Variants in C3orf70 observed in about 807,000 individuals in gnomAD.
C3orf70 encodes the protein chromosome 3 open reading frame 70.
In C3orf70, 15 loss-of-function variants were observed where a neutral mutation model predicts 20.7. The ratio of observed to expected loss-of-function variants is 0.72; its 90% CI spans 0.48 to 1.11. The LOEUF (loss-of-function observed/expected upper bound fraction) is 1.11, where lower values mean the gene tolerates loss of function less well. C3orf70 is among the 50% of genes most tolerant of loss of function. The pLI is 0.00. For synonymous variants in C3orf70, 161 were observed against 125.7 expected, an observed-to-expected ratio of 1.28 and a Z score of -1.88; for missense variants, 332 against 317.6, an observed-to-expected ratio of 1.05 and a Z score of -0.34.
rs1715219469 is a variant in C3orf70 at position 185,077,465 on chromosome 3, A to G, written c.*5542T>C. Among the ~76,000 whole-genome samples, 1 of 152,212 alleles carries G rather than the reference A, an allele frequency of 6.6e-6. No homozygotes were observed. The highest frequency in any genetic ancestry group is 2.4e-5 in the African/African-American group (1 of 41,460). On this transcript the variant is annotated 3_prime_UTR_variant, in exon 2 of 2. Transcript: ENST00000335012. Reference sequence around the variant, plus strand: ...CAGGGTTGCTGTGGAGATTATGCATAGAAAGCTTAAGGTAGCCATTGAACT... The same window carrying G: ...CAGGGTTGCTGTGGAGATTATGCATGGAAAGCTTAAGGTAGCCATTGAACT...
intron 1 of C3orf70, among the ~76,000 whole-genome samples, chr3:185,112,023 G>T (rs1187425569): frequency 6.6e-6 from 1 of 152,188 alleles, no homozygotes; most frequent in Admixed American, 6.5e-5. Flanking sequence ...AGGCGTGGTG[G>T]CTCATGCCTG....
intron 1 of C3orf70, among the ~76,000 whole-genome samples, chr3:185,096,122 T>TAATC (rs1715696048): frequency 6.7e-6 from 1 of 148,714 alleles, no homozygotes; most frequent in Admixed American, 6.8e-5. Flanking sequence ...GTTCCCAATG[T>TAATC]AATCAAAGAA....
intron 1 of C3orf70, among the ~76,000 whole-genome samples, chr3:185,143,981 A>AACACACACAC (rs34762767): frequency 6.0e-5 from 9 of 148,946 alleles, no homozygotes; most frequent in African/African-American, 2.0e-4. Context: ...TTCTATGGTA[A>AACACACACAC]ACACACACAC....
chr3:185,079,293 A>AAAAAAAAATAAAAT lies in C3orf70; in HGVS notation c.*3713_*3714insATTTTATTTTTTTT, dbSNP rs1715278226. On this transcript the variant is annotated 3_prime_UTR_variant, in exon 2 of 2. Transcript: ENST00000335012. ...GAGACTCTGTCTCAAAAAAAAAAAA[A>AAAAAAAAATAAAAT]AAAAAAAAAAAGTAAAGCCACCACT... 1 of 150,360 alleles carries AAAAAAAAATAAAAT rather than the reference A, an allele frequency of 6.7e-6. No homozygotes were observed. The highest frequency in any genetic ancestry group is 2.5e-5 in the African/African-American group (1 of 40,788). 9.3% of individuals were successfully genotyped at this position (150,360 alleles called of 1,614,324 possible). A position where few individuals can be genotyped will look rare whatever the true frequency, so the allele number is the denominator to read the frequency against.
intron 1 of C3orf70, among the ~76,000 whole-genome samples, chr3:185,127,257 G>A (rs960661265): frequency 6.6e-6 from 1 of 152,106 alleles, no homozygotes; most frequent in African/African-American, 2.4e-5. Context: ...TTTAAAGACT[G>A]GGCCTAAAAA....
At chr3:185,147,354 G>C (rs1716897256) in intron 1 of C3orf70, among the ~76,000 whole-genome samples, 1 of 152,246 alleles carries the variant, frequency 6.6e-6, no homozygotes, top group South Asian at 2.1e-4. Context: ...CCCTTAACTT[G>C]AATGTCACTT....
chr3:185,104,771 G>A (rs1207560887), intron 1 of C3orf70, among the ~76,000 whole-genome samples: 1 of 152,116 alleles, frequency 6.6e-6, no homozygotes, highest in Non-Finnish European at 1.5e-5. Context: ...GAAATGATGA[G>A]AACACATGGA....
At chr3:185,126,422 A>G (rs1270547096) in intron 1 of C3orf70, among the ~76,000 whole-genome samples, 1 of 152,198 alleles carries the variant, frequency 6.6e-6, no homozygotes, top group African/African-American at 2.4e-5. Context: ...AGTGAAATTC[A>G]GGGATATATG....
chr3:185,141,179 G>C (rs1202723179), intron 1 of C3orf70, among the ~76,000 whole-genome samples: 1 of 152,028 alleles, frequency 6.6e-6, no homozygotes. Flanking sequence ...CCCAGTCTCT[G>C]GTACTTTGTT....
chr3:185,113,188 T>G (rs150216624), intron 1 of C3orf70, among the ~76,000 whole-genome samples: 2 of 150,822 alleles, frequency 1.3e-5, no homozygotes, highest in Admixed American at 1.3e-4. Context: ...CTCAAGCCTG[T>G]AATCTCAGCA....
chr3:185,131,149 A>G (rs1362317234), intron 1 of C3orf70, among the ~76,000 whole-genome samples: 1 of 152,238 alleles, frequency 6.6e-6, no homozygotes, highest in East Asian at 1.9e-4. Context: ...CTGCCATGCC[A>G]GCTGGTGTGA....
intron 1 of C3orf70, among the ~76,000 whole-genome samples, chr3:185,106,997 TAAAC>T (rs1457897109): frequency 5.3e-5 from 8 of 152,124 alleles, no homozygotes; most frequent in East Asian, 1.9e-4. Context: ...AAAGTGAAAT[TAAAC>T]AAACAGGAGG....
Position 185,152,941 on chromosome 3 carries a change from C to A in C3orf70, c.-118G>T. On this transcript the variant is annotated 5_prime_UTR_variant, in exon 1 of 2. Coordinates refer to ENST00000335012, the MANE Select transcript of C3orf70 (RefSeq NM_001025266.3). ...GCGCGGCACGGGCCGGGAGTCACGC[C>A]AGCACGCGGCGGCGGCGGGAGCGCG... 1 of 921,060 alleles carries A rather than the reference C, an allele frequency of 1.1e-6. No individual in the cohort carries two copies. Among genetic ancestry groups the A allele is most frequent in the South Asian group, 4.0e-5 (1 of 24,962 alleles). 57.1% of individuals were successfully genotyped at this position (921,060 alleles called of 1,614,324 possible). A position where few individuals can be genotyped will look rare whatever the true frequency, so the allele number is the denominator to read the frequency against.
chr3:185,141,998 T>TA (rs1716761156), intron 1 of C3orf70, among the ~76,000 whole-genome samples: 1 of 152,134 alleles, frequency 6.6e-6, no homozygotes, highest in African/African-American at 2.4e-5. Context: ...AATCATTAGG[T>TA]AAGCCTGGGA....
At chr3:185,109,825 T>C (rs1057104252) in intron 1 of C3orf70, among the ~76,000 whole-genome samples, 2 of 152,146 alleles carry the variant, frequency 1.3e-5, no homozygotes, top group Non-Finnish European at 2.9e-5. Flanking sequence ...CATACCACCC[T>C]CAAAAACCTA....
At chr3:185,131,910 A>T (rs979747990) in intron 1 of C3orf70, among the ~76,000 whole-genome samples, 1 of 152,248 alleles carries the variant, frequency 6.6e-6, no homozygotes, top group Non-Finnish European at 1.5e-5. Flanking sequence ...TAAATTACAA[A>T]TAAACCAACT....
chr3:185,098,282 T>A (rs1320528182), intron 1 of C3orf70, among the ~76,000 whole-genome samples: 3 of 152,236 alleles, frequency 2.0e-5, no homozygotes, highest in Non-Finnish European at 4.4e-5. Flanking sequence ...TACTAATAGA[T>A]AATAAATGCT....
chr3:185,096,735 A>C (rs957485477), intron 1 of C3orf70, among the ~76,000 whole-genome samples: 1 of 152,162 alleles, frequency 6.6e-6, no homozygotes, highest in Non-Finnish European at 1.5e-5. Context: ...GGCTTGGCCT[A>C]GTGATAACCT....
intron 1 of C3orf70, among the ~76,000 whole-genome samples, chr3:185,093,297 T>C (rs774743801): frequency 1.3e-5 from 2 of 152,174 alleles, no homozygotes; most frequent in Non-Finnish European, 2.9e-5. Flanking sequence ...AGCTTAACCC[T>C]GAGACCAGCC....
Sources: gnomAD v4.1 joint callset for allele counts (sites outside exome capture counted in the v4.1 genomes callset) on GRCh38, gnomAD v4.1.1 for gene constraint, MANE v1.5 for transcripts, NCBI Gene and HGNC (gene_info 2026-07-23, HGNC 2026-07-21) for gene names.